LEO1: variants seen among roughly 807,000 people sequenced by gnomAD.
The protein encoded by LEO1 is LEO1 component of Paf1/RNA polymerase II complex, also known as RNA polymerase-associated protein LEO1.
LEO1 carries 34 observed loss-of-function variants against 80.4 expected under a neutral mutation model. That is an observed-to-expected ratio of 0.42 (90% confidence interval 0.32 to 0.56). The LOEUF is 0.56. LEO1 is among the 20% of genes least tolerant of loss of function. The probability of loss-of-function intolerance (pLI) is 0.10; values close to 1 mark genes in which losing one functional copy is unlikely to be tolerated. For synonymous variants in LEO1, 262 were observed against 274.9 expected (o/e 0.95, Z 0.46); for missense variants, 631 against 814.2 (o/e 0.77, Z 2.74).
chr15:51,962,525 TC>T (rs2057039495), intron 2 of LEO1, 32 bp from the exon 3 acceptor site: 1 of 1,449,784 alleles, frequency 6.9e-7, no homozygotes, highest in Admixed American at 1.8e-5. Context: ...TTCTGCATAA[TC>T]AGTCGCATTA....
intron 6 of LEO1, among the ~76,000 whole-genome samples, chr15:51,956,378 C>G (rs1190755207): frequency 6.7e-6 from 1 of 149,578 alleles, no homozygotes; most frequent in Non-Finnish European, 1.5e-5. Flanking sequence ...TGAGATTGCG[C>G]CACTGCATTC....
chr15:51,939,450 A>AAGTT (rs1358751938), intron 11 of LEO1, among the ~76,000 whole-genome samples: 1 of 152,076 alleles, frequency 6.6e-6, no homozygotes, highest in East Asian at 1.9e-4. Flanking sequence ...CAAAGGGGGG[A>AAGTT]AGTTATGAAT....
chr15:51,960,863 C>T, intron 3 of LEO1, 130 bp from the exon 4 acceptor site: 1 of 614,556 alleles, frequency 1.6e-6, no homozygotes, highest in East Asian at 2.9e-5. Flanking sequence ...TAATGCTGAG[C>T]CTGGCTCTCA....
Position 51,954,713 on chromosome 15 carries a change from C to T in LEO1, c.1246-138G>A, listed in dbSNP as rs182468623. 175 of 630,166 alleles carry T rather than the reference C, an allele frequency of 2.8e-4. No homozygotes were observed. The East Asian group carries it at 4.6e-3, about 17-fold the overall frequency. 39.0% of individuals were successfully genotyped at this position (630,166 alleles called of 1,614,324 possible). On this transcript the variant is annotated intron_variant, in intron 6 of 11. Transcript: ENST00000299601. Reference sequence around the variant, plus strand: ...ATGTGTGGCAGGAGAATGAACAACACTGAAACCCTCTTTAATCACCTAGAG... The same window carrying T: ...ATGTGTGGCAGGAGAATGAACAACATTGAAACCCTCTTTAATCACCTAGAG...
intron 5 of LEO1, among the ~76,000 whole-genome samples, chr15:51,959,402 A>G (rs57591722): frequency 6.6e-6 from 1 of 152,314 alleles, no homozygotes; most frequent in East Asian, 1.9e-4. Flanking sequence ...CTTCTTATGT[A>G]ACTCTGCCAA....
At chr15:51,958,241 A>G (rs2057004291) in intron 6 of LEO1, among the ~76,000 whole-genome samples, 1 of 151,114 alleles carries the variant, frequency 6.6e-6, no homozygotes, top group Non-Finnish European at 1.5e-5. Context: ...GGATCACTTG[A>G]GCTCAGAAGT....
At chr15:51,952,003 A>C in intron 8 of LEO1, 24 bp from the exon 9 acceptor site, 2 of 1,597,458 alleles carry the variant, frequency 1.3e-6, no homozygotes, top group Non-Finnish European at 8.6e-7. Context: ...AACGAAGAGC[A>C]TATCACTGTT....
chr15:51,962,260 G>C (rs2057036877), intron 3 of LEO1, 129 bp downstream of exon 3: 3 of 557,904 alleles, frequency 5.4e-6, no homozygotes, highest in African/African-American at 1.9e-5. Flanking sequence ...TGAGTACACT[G>C]AGCGTATCCA....
chr15:51,971,049 C>T (rs527439342), intron 1 of LEO1, among the ~76,000 whole-genome samples: 1 of 152,164 alleles, frequency 6.6e-6, no homozygotes, highest in Non-Finnish European at 1.5e-5. Flanking sequence ...ATCAACAAAT[C>T]CTTCATTCCT....
chr15:51,948,223 C>A (rs2056918566), intron 10 of LEO1, among the ~76,000 whole-genome samples: 1 of 152,188 alleles, frequency 6.6e-6, no homozygotes. Flanking sequence ...AACCCAAAGC[C>A]TTCCCTTTGT....
chr15:51,970,068 C>G (rs187752926), intron 1 of LEO1, among the ~76,000 whole-genome samples: 1 of 152,080 alleles, frequency 6.6e-6, no homozygotes, highest in African/African-American at 2.4e-5. Flanking sequence ...GGCTGCTCCT[C>G]AAAATATTAA....
At chr15:51,960,446 A>G (rs1323446926) in intron 4 of LEO1, among the ~76,000 whole-genome samples, 193 bp downstream of exon 4, 1 of 152,120 alleles carries the variant, frequency 6.6e-6, no homozygotes, top group Admixed American at 6.6e-5. Context: ...CATGACACCA[A>G]CCTCATGTTT....
At chr15:51,966,756 C>G (rs2057081274) in intron 1 of LEO1, among the ~76,000 whole-genome samples, 1 of 151,814 alleles carries the variant, frequency 6.6e-6, no homozygotes, top group Non-Finnish European at 1.5e-5. Context: ...ACTAAAAATA[C>G]AAAATTTAGC....
At chr15:51,964,205 C>CAAAA (rs962340145) in intron 2 of LEO1, among the ~76,000 whole-genome samples, 1 of 122,250 alleles carries the variant, frequency 8.2e-6, no homozygotes, top group Non-Finnish European at 1.7e-5. Flanking sequence ...GACTCCGTCT[C>CAAAA]AAAAAAAAAA....
intron 1 of LEO1, among the ~76,000 whole-genome samples, chr15:51,971,025 A>C (rs2057118698): frequency 6.6e-6 from 1 of 152,076 alleles, no homozygotes; most frequent in Non-Finnish European, 1.5e-5. Context: ...CACATACACT[A>C]ATTCATTCAT....
chr15:51,968,886 C>G (rs148513543), intron 1 of LEO1, among the ~76,000 whole-genome samples: 1 of 151,824 alleles, frequency 6.6e-6, no homozygotes, highest in African/African-American at 2.4e-5. Context: ...TATTTGCAAA[C>G]CATGTATCTG....
At chr15:51,971,360 T>C (rs978845484) in intron 1 of LEO1, among the ~76,000 whole-genome samples, 3 of 152,212 alleles carry the variant, frequency 2.0e-5, no homozygotes, top group African/African-American at 7.2e-5. Context: ...CGCTGGCCTG[T>C]GCAAGGCAAG....
intron 4 of LEO1, 123 bp from the exon 5 acceptor site, chr15:51,960,167 A>T (rs2057019067): frequency 1.4e-6 from 1 of 690,768 alleles, no homozygotes; most frequent in Non-Finnish European, 2.3e-6. Flanking sequence ...GGACTAAAGA[A>T]GTCCCCAGTC....
chr15:51,940,296 C>A (rs879824158), intron 11 of LEO1, among the ~76,000 whole-genome samples: 15 of 144,056 alleles, frequency 1.0e-4, no homozygotes, highest in South Asian at 2.3e-4. Context: ...CGTGGTGGCT[C>A]ACGCCTGTAA....
Sources: allele counts gnomAD v4.1 joint callset (sites outside exome capture counted in the v4.1 genomes callset), GRCh38; gene constraint gnomAD v4.1.1; transcripts MANE v1.5; gene names NCBI Gene and HGNC (gene_info 2026-07-23, HGNC 2026-07-21).